Variants in PDE8A observed in about 807,000 individuals in gnomAD.
The protein encoded by PDE8A is phosphodiesterase 8A.
In PDE8A, 59 loss-of-function variants were observed where a neutral mutation model predicts 105.0. The ratio of observed to expected loss-of-function variants is 0.56; its 90% CI spans 0.46 to 0.70. PDE8A has a LOEUF of 0.70. Ranked by LOEUF, PDE8A falls within the 30% of genes least tolerant of loss-of-function variation. The pLI, the probability that PDE8A is intolerant of heterozygous loss-of-function variation, is 0.00. For missense variants in PDE8A, 1,014 were observed against 1,045.9 expected (o/e 0.97, Z 0.42); for synonymous variants, 355 against 371.9 (o/e 0.95, Z 0.52).
intron 18 of PDE8A, among the ~76,000 whole-genome samples, chr15:85,122,231 A>G (rs536735579): frequency 2.4e-4 from 36 of 152,170 alleles, no homozygotes; most frequent in Non-Finnish European, 4.7e-4. Context: ...GTCTGATTAG[A>G]TTCTTAAGCT....
intron 1 of PDE8A, among the ~76,000 whole-genome samples, chr15:85,043,098 G>GC (rs397776832): frequency 6.6e-6 from 1 of 150,818 alleles, no homozygotes; most frequent in African/African-American, 2.4e-5. Flanking sequence ...AAGGCTCTCT[G>GC]TCTGAATATA....
chr15:85,063,090 AC>A lies in PDE8A; in HGVS notation c.187-1277del, dbSNP rs1255711763. 2.6e-5 allele frequency: 4 copies of A among 152,190 alleles called. No individual in the cohort carries two copies. In the East Asian group the frequency reaches 5.8e-4, roughly 22 times the overall value. The allele number at this position is 152,190 out of a possible 1,614,324, so 9.4% of individuals were successfully genotyped here. On this transcript the variant is annotated intron_variant, in intron 1 of 21. Transcript: ENST00000394553. ...CAGTCTTTGGTCTAGAATATTAGGG[AC>A]CCTCATTCTTTTTATGCCTTCTGAG... is the stretch of plus-strand genomic sequence containing the variant.
intron 11 of PDE8A, among the ~76,000 whole-genome samples, chr15:85,103,569 C>A (rs1405280270): frequency 6.6e-6 from 1 of 152,208 alleles, no homozygotes; most frequent in Non-Finnish European, 1.5e-5. Context: ...CAACAGAAAT[C>A]AATTCTTCAG....
At chr15:85,104,414 C>T (rs1398102054) in intron 11 of PDE8A, among the ~76,000 whole-genome samples, 1 of 151,984 alleles carries the variant, frequency 6.6e-6, no homozygotes, top group African/African-American at 2.4e-5. Flanking sequence ...ATCCTGTAGG[C>T]AGAGGAAGAC....
intron 7 of PDE8A, 35 bp downstream of exon 7, chr15:85,089,451 C>G (rs115312120): frequency 7.9e-7 from 1 of 1,273,488 alleles, no homozygotes; most frequent in African/African-American, 1.5e-5. Context: ...TTCTGGATTT[C>G]TTGTTTTGCT....
intron 1 of PDE8A, among the ~76,000 whole-genome samples, chr15:85,039,800 A>G (rs182080475): frequency 1.3e-3 from 199 of 152,364 alleles, no homozygotes; most frequent in African/African-American, 4.6e-3. Flanking sequence ...AACATGGATA[A>G]ACTTAGAGGA....
rs1303784524 is a variant in PDE8A, at chr15:85,002,971, C to G, written c.186+20623C>G. Among the ~76,000 whole-genome samples the G allele has an allele frequency of 2.0e-5, 3 of 152,146 alleles. No homozygotes were observed. The East Asian group carries it at 5.8e-4, about 29-fold the overall frequency. ...ATATGTATTTCTTATTATATCACAA[C>G]TATACTTTGGTATTTCTGTGTTTTT... On this transcript the variant is annotated intron_variant, in intron 1 of 21. Coordinates refer to ENST00000394553, the MANE Select transcript of PDE8A (RefSeq NM_002605.3).
intron 8 of PDE8A, among the ~76,000 whole-genome samples, chr15:85,097,553 C>T (rs1338157338): frequency 6.6e-6 from 1 of 152,164 alleles, no homozygotes; most frequent in African/African-American, 2.4e-5. Context: ...CATAATGGTC[C>T]CTTCTGGCCC....
chr15:85,055,702 G>A (rs905907417), intron 1 of PDE8A, among the ~76,000 whole-genome samples: 1 of 152,146 alleles, frequency 6.6e-6, no homozygotes, highest in African/African-American at 2.4e-5. Flanking sequence ...GCCTGTGTGT[G>A]TCTCTGCATG....
At chr15:84,985,701 T>C (rs1352094509) in intron 1 of PDE8A, among the ~76,000 whole-genome samples, 3 of 152,182 alleles carry the variant, frequency 2.0e-5, no homozygotes, top group African/African-American at 7.2e-5. Context: ...TGATGCACAG[T>C]AGGCCTTCCG....
chr15:85,113,602 G>A (rs560622508), intron 13 of PDE8A, among the ~76,000 whole-genome samples, 155 bp downstream of exon 13: 1 of 152,314 alleles, frequency 6.6e-6, no homozygotes, highest in East Asian at 1.9e-4. Context: ...GAGGATGTGT[G>A]ACATGGGCAT....
At chr15:85,124,619 C>A (rs1409801612) in intron 19 of PDE8A, among the ~76,000 whole-genome samples, 1 of 152,214 alleles carries the variant, frequency 6.6e-6, no homozygotes, top group African/African-American at 2.4e-5. Context: ...ATGACACTTA[C>A]TTTGGTTTAA....
At chr15:85,029,268 G>C (rs1438346180) in intron 1 of PDE8A, among the ~76,000 whole-genome samples, 4 of 152,044 alleles carry the variant, frequency 2.6e-5, no homozygotes, top group African/African-American at 9.7e-5. Context: ...TTTTTTTAAT[G>C]ACCCAACTTA....
At chr15:85,122,918 T>C (rs1012792374) in intron 18 of PDE8A, 143 bp from the exon 19 acceptor site, 17 of 839,940 alleles carry the variant, frequency 2.0e-5, no homozygotes, top group Non-Finnish European at 2.8e-5. Context: ...TCCATGTCTT[T>C]TTAAAATGTG....
At position 85,100,206 on chromosome 15, in the gene PDE8A, G is replaced by T. The variant is rs767299078; in HGVS notation, c.1036+8G>T. Reference sequence around the variant, plus strand: ...AGTCTGACACTCATACAGGTACGGTGCCCCGTATTTATTCTTAGAGTTCAT... The same window carrying T: ...AGTCTGACACTCATACAGGTACGGTTCCCCGTATTTATTCTTAGAGTTCAT... On this transcript the variant is annotated splice_region_variant and intron_variant, in intron 11 of 21. Transcript: ENST00000394553. 1 of 1,608,288 alleles carries T rather than the reference G, an allele frequency of 6.2e-7. No homozygotes were observed. The highest frequency in any genetic ancestry group is 8.5e-7 in the Non-Finnish European group (1 of 1,175,580).
chr15:85,092,088 G>A (rs1223002306), intron 8 of PDE8A, among the ~76,000 whole-genome samples: 1 of 151,972 alleles, frequency 6.6e-6, no homozygotes, highest in African/African-American at 2.4e-5. Context: ...CTTACCACAG[G>A]GGCAGGGTGC....
At chr15:85,080,704 G>A (rs148021748) in intron 5 of PDE8A, among the ~76,000 whole-genome samples, 3 of 152,072 alleles carry the variant, frequency 2.0e-5, no homozygotes, top group East Asian at 1.9e-4. Flanking sequence ...AGTAAATCAT[G>A]GTCCTTATAT....
chr15:85,064,984 GA>G (rs910078101), intron 2 of PDE8A, among the ~76,000 whole-genome samples: 4 of 151,180 alleles, frequency 2.6e-5, no homozygotes, highest in Non-Finnish European at 5.9e-5. Context: ...ACAAACAAAA[GA>G]AAAAAAATTG....
At chr15:85,091,261 G>A (rs1216327470) in intron 8 of PDE8A, 80 bp downstream of exon 8, 5 of 1,256,646 alleles carry the variant, frequency 4.0e-6, no homozygotes, top group Admixed American at 2.2e-5. Flanking sequence ...GTACTACCAG[G>A]TAATCTTAAT....
Sources: allele counts gnomAD v4.1 joint callset (sites outside exome capture counted in the v4.1 genomes callset), GRCh38; gene constraint gnomAD v4.1.1; transcripts MANE v1.5; gene names NCBI Gene and HGNC (gene_info 2026-07-23, HGNC 2026-07-21).